Variants in TMEM135 observed in about 807,000 individuals in gnomAD.
The protein encoded by TMEM135 is transmembrane protein 135.
TMEM135 carries 30 observed loss-of-function variants against 60.3 expected under a neutral mutation model. The ratio of observed to expected loss-of-function variants is 0.50; its 90% CI spans 0.37 to 0.68. The LOEUF (loss-of-function observed/expected upper bound fraction) is 0.68, where lower values mean the gene tolerates loss of function less well. Ranked by LOEUF, TMEM135 falls within the 30% of genes least tolerant of loss-of-function variation. The pLI is 0.00. For synonymous variants in TMEM135, 190 were observed against 186.7 expected (o/e 1.02, Z -0.14); for missense variants, 468 against 548.8 (o/e 0.85, Z 1.47).
rs1261903045 is a variant in TMEM135, at chr11:87,178,678, G to A, written c.462+21272G>A. 12 of 357,888 alleles carry A rather than the reference G, an allele frequency of 3.4e-5. No homozygotes were observed. The East Asian group carries it at 4.5e-4, about 13-fold the overall frequency. The allele number at this position is 357,888 out of a possible 1,614,324, so 22.2% of individuals were successfully genotyped here. A position where few individuals can be genotyped will look rare whatever the true frequency, so the allele number is the denominator to read the frequency against. On this transcript the variant is annotated intron_variant, in intron 5 of 14. Coordinates refer to ENST00000305494, the MANE Select transcript of TMEM135 (RefSeq NM_022918.4). ...TGACCTCAAGTGATCTGCCTGTCTC[G>A]GCCTCCCAAATTGCTGGGATTATAG...
intron 1 of TMEM135, among the ~76,000 whole-genome samples, chr11:87,038,947 G>A (rs1306541128): frequency 6.6e-6 from 1 of 151,964 alleles, no homozygotes; most frequent in Non-Finnish European, 1.5e-5. Flanking sequence ...AATGTTCTCC[G>A]CAAAATCTTT....
intron 6 of TMEM135, among the ~76,000 whole-genome samples, chr11:87,282,146 A>C (rs1942072548): frequency 6.6e-6 from 1 of 152,174 alleles, no homozygotes; most frequent in South Asian, 2.1e-4. Context: ...GCTTTTATGA[A>C]GGGGAGGTGG....
chr11:87,304,301 T>C (rs11235087), intron 8 of TMEM135, among the ~76,000 whole-genome samples: 43,495 of 151,812 alleles, frequency 0.29, 7,224 homozygotes, highest in Middle Eastern at 0.4. Flanking sequence ...AGTCTAGGAG[T>C]TCAAGGCTGC....
chr11:87,283,569 A>G (rs1399958986), intron 6 of TMEM135, among the ~76,000 whole-genome samples: 1 of 150,176 alleles, frequency 6.7e-6, no homozygotes, highest in Non-Finnish European at 1.5e-5. Flanking sequence ...TTGAAAATAA[A>G]TTAATGGGGC....
chr11:87,172,697 G>C (rs1226956549), intron 5 of TMEM135, among the ~76,000 whole-genome samples: 1 of 151,818 alleles, frequency 6.6e-6, no homozygotes, highest in Non-Finnish European at 1.5e-5. Context: ...AACTCAAGTG[G>C]CAAATACTAC....
At chr11:87,176,886 T>C (rs1373734627) in intron 5 of TMEM135, among the ~76,000 whole-genome samples, 1 of 152,148 alleles carries the variant, frequency 6.6e-6, no homozygotes, top group East Asian at 1.9e-4. Flanking sequence ...GAGGGAAAGC[T>C]CAAGGGTTAA....
chr11:87,246,497 C>T (rs759735151), intron 6 of TMEM135, among the ~76,000 whole-genome samples: 2 of 152,192 alleles, frequency 1.3e-5, no homozygotes, highest in African/African-American at 4.8e-5. Flanking sequence ...ACCAGTCAGA[C>T]GTAGATTTGG....
At chr11:87,185,196 C>G (rs182339061) in intron 5 of TMEM135, among the ~76,000 whole-genome samples, 40 of 152,280 alleles carry the variant, frequency 2.6e-4, no homozygotes, top group African/African-American at 9.6e-4. Flanking sequence ...ATTCATCTCA[C>G]TGAAAAATTT....
intron 6 of TMEM135, among the ~76,000 whole-genome samples, chr11:87,257,668 A>T (rs1941556151): frequency 6.6e-6 from 1 of 152,256 alleles, no homozygotes; most frequent in African/African-American, 2.4e-5. Flanking sequence ...AAAAATGTCC[A>T]GAATAGAAAA....
In TMEM135 at chr11:87,191,661, A is replaced by T. The variant is rs376013374; in HGVS notation, c.462+34255A>T. Among the ~76,000 whole-genome samples the T allele has an allele frequency of 1.3e-4, 20 of 152,306 alleles. No individual in the cohort carries two copies. The East Asian group carries it at 2.5e-3, about 19-fold the overall frequency. The stretch of plus-strand genomic sequence containing the variant: ...ATATTTTAAAACCACGATGATCATC[A>T]TATATGATTTCTAAGCATTTCCTGT... On this transcript the variant is annotated intron_variant, in intron 5 of 14. Coordinates refer to ENST00000305494, the MANE Select transcript of TMEM135 (RefSeq NM_022918.4).
At chr11:87,157,459 T>C in intron 5 of TMEM135, 53 bp downstream of exon 5, 1 of 1,447,018 alleles carries the variant, frequency 6.9e-7, no homozygotes, top group African/African-American at 1.4e-5. Context: ...AGTTTGCGAT[T>C]TTAAAATATA....
intron 4 of TMEM135, chr11:87,095,416 C>G: frequency 4.7e-6 from 1 of 212,240 alleles, no homozygotes; most frequent in Non-Finnish European, 1.0e-5. Flanking sequence ...TAGAGTTCAG[C>G]ACTAACTCTC....
chr11:87,229,796 T>G (rs140869965), intron 5 of TMEM135, among the ~76,000 whole-genome samples: 2 of 152,292 alleles, frequency 1.3e-5, no homozygotes, highest in Non-Finnish European at 2.9e-5. Flanking sequence ...TGTACAAAGG[T>G]ATGTACATAC....
chr11:87,103,993 C>A lies in TMEM135; in HGVS notation c.396+12598C>A, dbSNP rs1236449589. ...TTGCCTGTGCTTTTGGGTTCATACC[C>A]CCAAAAAAATTGCCTAGACCAGTGC... On this transcript the variant is annotated intron_variant, in intron 4 of 14. Coordinates refer to ENST00000305494, the MANE Select transcript of TMEM135 (RefSeq NM_022918.4). Among the ~76,000 whole-genome samples the A allele has an allele frequency of 2.0e-5, 3 of 150,014 alleles. No individual in the cohort carries two copies. The East Asian group carries it at 5.9e-4, about 30-fold the overall frequency.
intron 8 of TMEM135, among the ~76,000 whole-genome samples, chr11:87,303,816 T>C (rs1461098569): frequency 6.6e-6 from 1 of 152,188 alleles, no homozygotes; most frequent in Non-Finnish European, 1.5e-5. Flanking sequence ...ATGGAAATAA[T>C]TTCAACAGTA....
intron 4 of TMEM135, among the ~76,000 whole-genome samples, chr11:87,156,243 C>G (rs1184269028): frequency 6.6e-6 from 1 of 151,986 alleles, no homozygotes; most frequent in East Asian, 1.9e-4. Context: ...ATGATAGTAC[C>G]ACATATTTTT....
At chr11:87,115,643 A>T (rs946277594) in intron 4 of TMEM135, among the ~76,000 whole-genome samples, 2 of 152,184 alleles carry the variant, frequency 1.3e-5, no homozygotes, top group Non-Finnish European at 2.9e-5. Flanking sequence ...AGCTAAATTT[A>T]GAAGTATTTA....
At chr11:87,209,259 T>C (rs931789999) in intron 5 of TMEM135, among the ~76,000 whole-genome samples, 7 of 152,162 alleles carry the variant, frequency 4.6e-5, no homozygotes, top group African/African-American at 1.7e-4. Flanking sequence ...CAGGGGCAAG[T>C]TGGATAAAGA....
At chr11:87,098,499 A>G (rs1857381157) in intron 4 of TMEM135, among the ~76,000 whole-genome samples, 1 of 152,060 alleles carries the variant, frequency 6.6e-6, no homozygotes, top group Admixed American at 6.6e-5. Flanking sequence ...GCGTGTGAAC[A>G]CTCCTGTTTT....
Sources: allele counts gnomAD v4.1 joint callset (sites outside exome capture counted in the v4.1 genomes callset), GRCh38; gene constraint gnomAD v4.1.1; transcripts MANE v1.5; gene names NCBI Gene and HGNC (gene_info 2026-07-23, HGNC 2026-07-21).